The following CDH23 variants were observed in gnomAD, a reference collection of about 807,000 sequenced individuals.
CDH23 encodes the protein cadherin-23.
In CDH23, 189 loss-of-function variants were observed where a neutral mutation model predicts 317.1. The observed-to-expected ratio is 0.60, with a 90% confidence interval of 0.53 to 0.67. CDH23 has a LOEUF of 0.67. Among genes scored for constraint, CDH23 ranks in the 30% least tolerant of loss-of-function variants. CDH23 has a pLI of 0.00. For synonymous variants in CDH23, 1,839 were observed against 1,876.8 expected (o/e 0.98, Z 0.52); for missense variants, 4,401 against 4,592.4 (o/e 0.96, Z 1.20).
chr10:71,524,659 CT>C (rs1854922354), intron 6 of CDH23, among the ~76,000 whole-genome samples: 1 of 152,158 alleles, frequency 6.6e-6, no homozygotes, highest in East Asian at 1.9e-4. Flanking sequence ...TTAAGGACCT[CT>C]CTGTGAGGCC....
In CDH23 at chr10:71,810,015, A is replaced by C. The variant is rs1416328921; in HGVS notation, c.8918A>C (p.Glu2973Ala). 1.9e-6 allele frequency: 3 copies of C among 1,612,616 alleles called. No individual in the cohort carries two copies. In the East Asian group the frequency reaches 6.7e-5, roughly 36 times the overall value. Residue 2973 changes from glutamate to alanine, a missense_variant, in exon 61 of 70, where the codon GAG becomes GCG. By Grantham distance (107) the Glu-to-Ala change is moderately radical. This residue lies in a region of CDH23 where 1,144 missense variants were observed against 1,138.2 expected (regional missense o/e 1.01). Transcript: ENST00000224721. ...EIPDRVRGFE[E>A]EFIHLLSNIT... ...CCCGACCGTGTGCGCGGCTTCGAGG[A>C]GGAGTTCATCCACCTGCTCTCCAAC...
intron 8 of CDH23, among the ~76,000 whole-genome samples, chr10:71,571,294 C>T (rs527310790): frequency 1.5e-3 from 229 of 152,362 alleles, no homozygotes; most frequent in African/African-American, 5.1e-3. Flanking sequence ...GTGTCTCTGC[C>T]GTGTCAGTCT....
At chr10:71,696,340 C>T (rs1456731750) in intron 22 of CDH23, among the ~76,000 whole-genome samples, 1 of 152,224 alleles carries the variant, frequency 6.6e-6, no homozygotes, top group Admixed American at 6.5e-5. Flanking sequence ...TGACTGAACA[C>T]CTGGGATGTG....
intron 3 of CDH23, among the ~76,000 whole-genome samples, chr10:71,456,427 TTGGGG>T (rs1850700864): frequency 7.0e-6 from 1 of 142,590 alleles, no homozygotes; most frequent in African/African-American, 3.1e-5. Context: ...CTGTGTCTTC[TTGGGG>T]GTCCTTTGGG....
chr10:71,568,754 T>C (rs532375305), intron 7 of CDH23, among the ~76,000 whole-genome samples: 193 of 152,268 alleles, frequency 1.3e-3, no homozygotes, highest in African/African-American at 4.6e-3. Flanking sequence ...ACTGAGCTGG[T>C]ACCAGGATGG....
chr10:71,613,888 C>T (rs1426439185), intron 9 of CDH23, among the ~76,000 whole-genome samples: 2 of 152,222 alleles, frequency 1.3e-5, no homozygotes, highest in Non-Finnish European at 2.9e-5. Context: ...TCTCCAGGAA[C>T]CACCTCAAAC....
intron 17 of CDH23, 26 bp downstream of exon 17, chr10:71,679,518 C>T: frequency 6.4e-7 from 1 of 1,561,556 alleles, no homozygotes; most frequent in Non-Finnish European, 8.7e-7. Flanking sequence ...AACTCGGGGC[C>T]CAGCCAGGAG....
intron 6 of CDH23, among the ~76,000 whole-genome samples, chr10:71,534,773 G>A (rs181470610): frequency 1.3e-5 from 2 of 152,242 alleles, no homozygotes; most frequent in African/African-American, 4.8e-5. Flanking sequence ...TGTGCTGGAA[G>A]ATATGACAGG....
chr10:71,734,365 C>T (rs1839492546), intron 33 of CDH23, 24 bp downstream of exon 33: 6 of 1,584,520 alleles, frequency 3.8e-6, no homozygotes, highest in Non-Finnish European at 3.4e-6. Context: ...GGGTGAGAGT[C>T]CCTCAGGTGC....
intron 3 of CDH23, among the ~76,000 whole-genome samples, chr10:71,472,392 C>T (rs1417286590): frequency 1.3e-5 from 2 of 152,226 alleles, no homozygotes; most frequent in Admixed American, 6.5e-5. Flanking sequence ...ACCACACCGC[C>T]CTGTTTGGCC....
chr10:71,406,859 C>T (rs1454299572), intron 1 of CDH23, among the ~76,000 whole-genome samples: 1 of 152,184 alleles, frequency 6.6e-6, no homozygotes, highest in Non-Finnish European at 1.5e-5. Flanking sequence ...CTTTGGCAAG[C>T]TGCATGTGGC....
At chr10:71,584,679 G>A (rs2132424617) in intron 9 of CDH23, among the ~76,000 whole-genome samples, 1 of 152,278 alleles carries the variant, frequency 6.6e-6, no homozygotes, top group African/African-American at 2.4e-5. Flanking sequence ...GTGGGGGACA[G>A]CTATCATAGG....
At chr10:71,424,239 G>A (rs556347126) in intron 1 of CDH23, among the ~76,000 whole-genome samples, 1 of 152,332 alleles carries the variant, frequency 6.6e-6, no homozygotes, top group East Asian at 1.9e-4. Flanking sequence ...AGGTAGACTT[G>A]TCCCTTTCTC....
At chr10:71,417,027 C>CT (rs59400313) in intron 1 of CDH23, among the ~76,000 whole-genome samples, 51,230 of 145,950 alleles carry the variant, frequency 0.35, 9,540 homozygotes, top group African/African-American at 0.48. Context: ...CTTTGGTTTT[C>CT]TTTTTTTTTC....
intron 26 of CDH23, chr10:71,707,309 A>G: frequency 1.4e-6 from 2 of 1,427,144 alleles, no homozygotes; most frequent in Non-Finnish European, 1.8e-6. Flanking sequence ...AGCATCTACC[A>G]AGGTTCATTC....
intron 38 of CDH23, among the ~76,000 whole-genome samples, chr10:71,775,401 TC>T (rs1279139953): frequency 7.1e-6 from 1 of 141,696 alleles, no homozygotes; most frequent in Non-Finnish European, 1.6e-5. Flanking sequence ...GCCAACCCCT[TC>T]CCCAGGGGGA....
chr10:71,716,561 C>T (rs1035753086), intron 28 of CDH23: 3 of 453,028 alleles, frequency 6.6e-6, no homozygotes, highest in Non-Finnish European at 1.2e-5. Flanking sequence ...CAAGCTCAGG[C>T]CCTCTTCCTG....
Position 71,510,229 on chromosome 10 carries a change from G to T in CDH23, c.288+5G>T. 6.2e-7 allele frequency: 1 copy of T among 1,613,080 alleles called. No homozygotes were observed. Among genetic ancestry groups the T allele is most frequent in the South Asian group, 1.1e-5 (1 of 91,042 alleles). ...CGGCAGCCACTGGACAGAGAGGTAT[G>T]ACTTGCCCATACCCCTGCCCCAATT... On this transcript the variant is annotated splice_donor_5th_base_variant and intron_variant, in intron 4 of 69. Transcript: ENST00000224721.
chr10:71,578,287 TG>T (rs1858368347), intron 9 of CDH23, among the ~76,000 whole-genome samples: 1 of 152,168 alleles, frequency 6.6e-6, no homozygotes, highest in African/African-American at 2.4e-5. Flanking sequence ...CTGAGACGGT[TG>T]GGCACTTTGG....
Sources: gnomAD v4.1 joint callset for allele counts (sites outside exome capture counted in the v4.1 genomes callset) on GRCh38, gnomAD v4.1.1 for gene constraint, gnomAD v4.1.1 regional missense constraint, MANE v1.5 for transcripts, NCBI Gene and HGNC (gene_info 2026-07-23, HGNC 2026-07-21) for gene names.